Variants in SGPL1 observed in about 807,000 individuals in gnomAD.
SGPL1 encodes the protein sphingosine-1-phosphate lyase 1.
SGPL1 carries 37 observed loss-of-function variants against 68.9 expected under a neutral mutation model. That is an observed-to-expected ratio of 0.54 (90% confidence interval 0.41 to 0.71). The LOEUF is 0.71. SGPL1 is among the 30% of genes least tolerant of loss of function. SGPL1 has a pLI of 0.00. For synonymous variants in SGPL1, 236 were observed against 248.5 expected, an observed-to-expected ratio of 0.95 and a Z score of 0.47; for missense variants, 551 against 704.6, an observed-to-expected ratio of 0.78 and a Z score of 2.47.
At chr10:70,871,702 C>A in intron 10 of SGPL1, 135 bp from the exon 11 acceptor site, 4 of 724,260 alleles carry the variant, frequency 5.5e-6, no homozygotes, top group South Asian at 2.3e-5. Context: ...TTAAAAATAG[C>A]CATTTTTTAA....
At position 70,875,191 on chromosome 10, in the gene SGPL1, AT is replaced by A. The variant is rs1846364291; in HGVS notation, c.1299-206del. ...GATGGGGTTTGGGCCTTGGAATTCC[AT>A]TTTTATTGTTCCATCTATGATTCTG... On this transcript the variant is annotated intron_variant, in intron 12 of 14. Coordinates refer to ENST00000373202, the MANE Select transcript of SGPL1 (RefSeq NM_003901.4). Among the ~76,000 whole-genome samples, 5 of 152,148 alleles carry A rather than the reference AT, an allele frequency of 3.3e-5. No homozygotes were observed. In the South Asian group the frequency reaches 1.0e-3, roughly 32 times the overall value.
At chr10:70,872,052 GGTAGCTTCCCC>G in intron 11 of SGPL1, 66 bp downstream of exon 11, 11 of 1,491,428 alleles carry the variant, frequency 7.4e-6, no homozygotes, top group Non-Finnish European at 1.0e-5. Context: ...AAAATAAATT[GGTAGCTTCCCC>G]GCAAAGTATA....
In SGPL1 at chr10:70,830,452, C is replaced by T. The variant is rs540995846; in HGVS notation, c.27+13572C>T. Among the ~76,000 whole-genome samples, 78 of 152,250 alleles carry T rather than the reference C, an allele frequency of 5.1e-4. No homozygotes were observed. The South Asian group carries it at 0.016, about 30-fold the overall frequency. ...CTGATTGACTTCCTGATTAACCATTCGTTTAATGGTTTCAAGGTTCATCCA... is the reference window on the plus strand; with the variant it reads ...CTGATTGACTTCCTGATTAACCATTTGTTTAATGGTTTCAAGGTTCATCCA... On this transcript the variant is annotated intron_variant, in intron 2 of 14. Coordinates refer to ENST00000373202, the MANE Select transcript of SGPL1 (RefSeq NM_003901.4).
intron 4 of SGPL1, 59 bp downstream of exon 4, chr10:70,851,269 C>A: frequency 7.4e-7 from 1 of 1,344,874 alleles, no homozygotes; most frequent in Non-Finnish European, 1.1e-6. Context: ...CTCTTTCTTT[C>A]TATTTACTAA....
At position 70,855,229 on chromosome 10, in the gene SGPL1, A is replaced by G. The variant is rs1467327260; in HGVS notation, c.409+374A>G. On this transcript the variant is annotated intron_variant, in intron 5 of 14. Transcript: ENST00000373202. ...GAAAATAAGTCACTATAATTCCACT[A>G]TCAAAGATAAACAGATGGTGTCTAT... Among the ~76,000 whole-genome samples the G allele has an allele frequency of 3.3e-5, 5 of 152,284 alleles. No individual in the cohort carries two copies. The East Asian group carries it at 7.7e-4, about 23-fold the overall frequency.
chr10:70,852,727 T>TGCGC (rs1554837914), intron 4 of SGPL1, among the ~76,000 whole-genome samples: 2 of 109,558 alleles, frequency 1.8e-5, no homozygotes, highest in Non-Finnish European at 4.0e-5. Flanking sequence ...TGTGTGTGTG[T>TGCGC]GCGCGCGCAC....
intron 5 of SGPL1, among the ~76,000 whole-genome samples, chr10:70,855,741 T>C (rs993333400): frequency 6.6e-5 from 10 of 152,238 alleles, no homozygotes; most frequent in Non-Finnish European, 1.5e-4. Context: ...TAGTTTGATA[T>C]ATTTACAGAA....
intron 11 of SGPL1, 24 bp downstream of exon 11, chr10:70,872,010 G>C (rs755913292): frequency 2.4e-5 from 38 of 1,597,186 alleles, no homozygotes; most frequent in Non-Finnish European, 2.8e-5. Context: ...GAGATCAAGT[G>C]TTACCAGTTG....
intron 4 of SGPL1, among the ~76,000 whole-genome samples, chr10:70,852,358 A>C (rs1845896768): frequency 6.6e-6 from 1 of 152,186 alleles, no homozygotes; most frequent in Non-Finnish European, 1.5e-5. Flanking sequence ...CAGGTGGTGA[A>C]GGGAAATGTG....
chr10:70,877,073 A>G, intron 14 of SGPL1, 122 bp from the exon 15 acceptor site: 1 of 880,358 alleles, frequency 1.1e-6, no homozygotes, highest in Non-Finnish European at 1.8e-6. Context: ...CCTTAGGTGG[A>G]AATGGGGTAG....
intron 2 of SGPL1, among the ~76,000 whole-genome samples, chr10:70,836,424 G>C (rs1232133784): frequency 6.6e-6 from 1 of 152,202 alleles, no homozygotes; most frequent in Non-Finnish European, 1.5e-5. Flanking sequence ...CAGTTTGACT[G>C]AGCAAGTCAC....
chr10:70,851,072 G>A, intron 3 of SGPL1, 71 bp from the exon 4 acceptor site: 3 of 1,197,170 alleles, frequency 2.5e-6, no homozygotes, highest in Non-Finnish European at 3.7e-6. Context: ...AAGACACATT[G>A]AATGGTTGCT....
At chr10:70,831,945 A>G (rs78356454) in intron 2 of SGPL1, among the ~76,000 whole-genome samples, 2,731 of 152,244 alleles carry the variant, frequency 0.018, 61 homozygotes, top group African/African-American at 0.055. Flanking sequence ...TGAGGCAGGT[A>G]AAAGAGGACA....
At chr10:70,851,673 G>A (rs1033067015) in intron 4 of SGPL1, among the ~76,000 whole-genome samples, 3 of 152,170 alleles carry the variant, frequency 2.0e-5, no homozygotes, top group Non-Finnish European at 4.4e-5. Flanking sequence ...GGAGTTGGGT[G>A]CTTACATGGT....
Position 70,877,148 on chromosome 10 carries a change from T to G in SGPL1, c.1567-47T>G, listed in dbSNP as rs1482513273. 1.9e-6 allele frequency: 3 copies of G among 1,604,480 alleles called. No homozygotes were observed. In the South Asian group the frequency reaches 3.3e-5, roughly 18 times the overall value. Reference sequence around the variant, plus strand: ...CTCATTGCTGCAGTTTTATTCTTGCTTTTGGACCTGGCCTCACTAATAATG... The same window carrying G: ...CTCATTGCTGCAGTTTTATTCTTGCGTTTGGACCTGGCCTCACTAATAATG... On this transcript the variant is annotated intron_variant, in intron 14 of 14. Transcript: ENST00000373202.
rs1157060677 is a variant in SGPL1 at position 70,857,597 on chromosome 10, C to G, written c.410-17C>G. 1 of 1,607,590 alleles carries G rather than the reference C, an allele frequency of 6.2e-7. No individual in the cohort carries two copies. Among genetic ancestry groups the G allele is most frequent in the Non-Finnish European group, 8.5e-7 (1 of 1,174,712 alleles). The stretch of plus-strand genomic sequence containing the variant: ...AGATTCTTGCTTACTGACCAGTGAC[C>G]TTACCTTTCTCTGCAGACGCCTTCT... On this transcript the variant is annotated splice_polypyrimidine_tract_variant and intron_variant, in intron 5 of 14. Coordinates refer to ENST00000373202, the MANE Select transcript of SGPL1 (RefSeq NM_003901.4).
At chr10:70,868,901 C>CT in intron 8 of SGPL1, among the ~76,000 whole-genome samples, 1 of 152,134 alleles carries the variant, frequency 6.6e-6, no homozygotes, top group Non-Finnish European at 1.5e-5. Flanking sequence ...ATAAAAATAT[C>CT]TTTTTGAGAT....
At chr10:70,829,871 C>A (rs1845503257) in intron 2 of SGPL1, among the ~76,000 whole-genome samples, 1 of 152,152 alleles carries the variant, frequency 6.6e-6, no homozygotes, top group African/African-American at 2.4e-5. Context: ...TGGGTAGTTG[C>A]TACAGTATGT....
At chr10:70,824,658 G>C (rs1845400092) in intron 2 of SGPL1, among the ~76,000 whole-genome samples, 1 of 152,006 alleles carries the variant, frequency 6.6e-6, no homozygotes, top group Non-Finnish European at 1.5e-5. Flanking sequence ...GTATTATGTA[G>C]CAATCCAAAA....
Sources: gnomAD v4.1 joint callset for allele counts (sites outside exome capture counted in the v4.1 genomes callset) on GRCh38, gnomAD v4.1.1 for gene constraint, MANE v1.5 for transcripts, NCBI Gene and HGNC (gene_info 2026-07-23, HGNC 2026-07-21) for gene names.